TMEM14B: variants seen among roughly 807,000 people sequenced by gnomAD.
TMEM14B encodes the protein transmembrane protein 14B.
Under a neutral mutation model 14.8 loss-of-function variants are expected in TMEM14B, and 9 were observed. The ratio of observed to expected loss-of-function variants is 0.61; its 90% CI spans 0.37 to 1.06. TMEM14B has a LOEUF of 1.06. Among genes scored for constraint, TMEM14B ranks in the 50% least tolerant of loss-of-function variants. The pLI, the probability that TMEM14B is intolerant of heterozygous loss-of-function variation, is 0.01. For synonymous variants in TMEM14B, 40 were observed against 51.3 expected (o/e 0.78, Z 0.94); for missense variants, 128 against 143.6 (o/e 0.89, Z 0.56).
At chr6:10,749,498 A>G in intron 2 of TMEM14B, 124 bp from the exon 3 acceptor site, 1 of 1,206,566 alleles carries the variant, frequency 8.3e-7, no homozygotes, top group East Asian at 2.3e-5. Context: ...TTTCAGTGAT[A>G]GTACCTGTGG....
chr6:10,749,847 G>A lies in TMEM14B; in HGVS notation c.100+149G>A. On this transcript the variant is annotated intron_variant, in intron 3 of 5. Transcript: ENST00000379542. ...TGCAGGCTTCCTTGTCAGTCTTGCA[G>A]CTCCTGCCCTTGCCTTTTGCTTATC... 4 of 881,512 alleles carry A rather than the reference G, an allele frequency of 4.5e-6. No individual in the cohort carries two copies. In the Admixed American group the frequency reaches 7.9e-5, roughly 17 times the overall value. 54.6% of individuals were successfully genotyped at this position (881,512 alleles called of 1,614,324 possible). A position where few individuals can be genotyped will look rare whatever the true frequency, so the allele number is the denominator to read the frequency against.
At chr6:10,757,113 G>C (rs563288449), downstream of TMEM14B, 23 of 579,366 alleles carry the variant, frequency 4.0e-5, no homozygotes, top group African/African-American at 4.3e-4. Context: ...ACCAAGGAAA[G>C]TTATTTGATT....
At chr6:10,759,275 A>C, downstream of TMEM14B, 1 of 152,114 alleles carries the variant, frequency 6.6e-6, no homozygotes, top group East Asian at 1.9e-4. Flanking sequence ...TTAGTTTACT[A>C]TTCCCCTACT....
chr6:10,748,169 A>G (rs1012588759), intron 1 of TMEM14B, among the ~76,000 whole-genome samples: 3 of 151,852 alleles, frequency 2.0e-5, no homozygotes, highest in Non-Finnish European at 4.4e-5. Flanking sequence ...TCCCTTACTC[A>G]GTGCCGCCTC....
chr6:10,755,091 C>A, intron 4 of TMEM14B, 51 bp from the exon 5 acceptor site: 3 of 1,591,512 alleles, frequency 1.9e-6, no homozygotes, highest in Non-Finnish European at 2.6e-6. Context: ...ACTTCTGATT[C>A]CCCTGCGTAG....
intron 4 of TMEM14B, among the ~76,000 whole-genome samples, chr6:10,753,526 C>A (rs1771673623): frequency 6.6e-6 from 1 of 152,068 alleles, no homozygotes. Context: ...GTTCTTCAGG[C>A]TCTTCTTGTC....
At chr6:10,748,629 T>A (rs1341419280) in intron 1 of TMEM14B, among the ~76,000 whole-genome samples, 1 of 152,228 alleles carries the variant, frequency 6.6e-6, no homozygotes, top group Non-Finnish European at 1.5e-5. Flanking sequence ...AATACTTTTC[T>A]GTAAGAAAAT....
Position 10,753,005 on chromosome 6 carries a change from G to T in TMEM14B, c.202+1771G>T, listed in dbSNP as rs374089899. The stretch of plus-strand genomic sequence containing the variant: ...AATCCCAGCACTTTGGGAGACCGAG[G>T]CAGGCGGCTCACCTGAGGTCGGGAG... On this transcript the variant is annotated intron_variant, in intron 4 of 5. Coordinates refer to ENST00000379542, the MANE Select transcript of TMEM14B (RefSeq NM_030969.5). 30 of 152,202 alleles carry T rather than the reference G, an allele frequency of 2.0e-4. 1 individual carries two copies. In the East Asian group the frequency reaches 2.5e-3, roughly 13 times the overall value. The allele number at this position is 152,202 out of a possible 1,614,324, so 9.4% of individuals were successfully genotyped here.
chr6:10,749,491 C>T lies in TMEM14B; in HGVS notation c.24-131C>T. 4.2e-6 allele frequency: 5 copies of T among 1,181,288 alleles called. No homozygotes were observed. The South Asian group carries it at 6.4e-5, about 15-fold the overall frequency. 73.2% of individuals were successfully genotyped at this position (1,181,288 alleles called of 1,614,324 possible). A position where few individuals can be genotyped will look rare whatever the true frequency, so the allele number is the denominator to read the frequency against. On this transcript the variant is annotated intron_variant, in intron 2 of 5. Transcript: ENST00000379542. ...ATCCAACCTCTGTGGTGCTTATTTT[C>T]AGTGATAGTACCTGTGGGCACATAG...
At position 10,756,893 on chromosome 6, in the gene TMEM14B, C is replaced by CT. The variant is rs1730185970; in HGVS notation, c.*379dup. The CT allele has an allele frequency of 1.0e-6, 1 of 988,990 alleles. No homozygotes were observed. The allele number at this position is 988,990 out of a possible 1,614,324, so 61.3% of individuals were successfully genotyped here. A position where few individuals can be genotyped will look rare whatever the true frequency, so the allele number is the denominator to read the frequency against. On this transcript the variant is annotated 3_prime_UTR_variant, in exon 6 of 6. Coordinates refer to ENST00000379542, the MANE Select transcript of TMEM14B (RefSeq NM_030969.5). Reference sequence around the variant, plus strand: ...AAATCTCTTGAGAGATTTAGAATATCTTTTCTTTTGCTCATCTTAGACCAC... The same window carrying CT: ...AAATCTCTTGAGAGATTTAGAATATCTTTTTCTTTTGCTCATCTTAGACCAC...
chr6:10,750,989 C>T (rs116342612), intron 3 of TMEM14B, 144 bp from the exon 4 acceptor site: 18,057 of 897,758 alleles, frequency 0.02, 671 homozygotes, highest in African/African-American at 0.13. Flanking sequence ...CTCTCCTTAA[C>T]GCCTTCCTGC....
At chr6:10,756,152 G>C (rs551023122) in intron 5 of TMEM14B, among the ~76,000 whole-genome samples, 1 of 152,168 alleles carries the variant, frequency 6.6e-6, no homozygotes, top group Non-Finnish European at 1.5e-5. Context: ...AGAGGCTGGA[G>C]TCTACCATAA....
At chr6:10,757,465 T>G (rs1419162789), downstream of TMEM14B, among the ~76,000 whole-genome samples, 1 of 152,134 alleles carries the variant, frequency 6.6e-6, no homozygotes, top group African/African-American at 2.4e-5. Context: ...TTTCTAAGAT[T>G]TAGGACTGTG....
In TMEM14B at chr6:10,749,699, G is replaced by A. The variant is rs1160148927; in HGVS notation, c.100+1G>A. The A allele has an allele frequency of 2.5e-6, 4 of 1,614,012 alleles. No homozygotes were observed. The African/African-American group carries it at 4.0e-5, about 16-fold the overall frequency. Reference sequence around the variant, plus strand: ...GGGATCGTTGGCTATGTAAAAACAGGTAGGGTTTTGTTGTTACTTAGCCTC... The same window carrying A: ...GGGATCGTTGGCTATGTAAAAACAGATAGGGTTTTGTTGTTACTTAGCCTC... On this transcript the variant is annotated splice_donor_variant, in intron 3 of 5. Coordinates refer to ENST00000379542, the MANE Select transcript of TMEM14B (RefSeq NM_030969.5). LOFTEE classifies it high-confidence loss of function.
rs144380021 is a variant in TMEM14B at position 10,748,225 on chromosome 6, G to A, written c.-45+344G>A. On this transcript the variant is annotated intron_variant, in intron 1 of 5. Transcript: ENST00000379542. ...GATCCCAAGCCCGCTGCCCTTCCCC[G>A]TTTTATGGGAAATTAATTCTTTCTT... 2.0e-5 allele frequency among the ~76,000 whole-genome samples: 3 copies of A among 151,896 alleles called. No individual in the cohort carries two copies. The East Asian group carries it at 5.8e-4, about 29-fold the overall frequency.
In TMEM14B at chr6:10,756,534, A is replaced by C; in HGVS notation, c.*16A>C. The C allele has an allele frequency of 6.2e-7, 1 of 1,611,510 alleles. No individual in the cohort carries two copies. Among genetic ancestry groups the C allele is most frequent in the African/African-American group, 1.3e-5 (1 of 74,884 alleles). On this transcript the variant is annotated 3_prime_UTR_variant, in exon 6 of 6. Coordinates refer to ENST00000379542, the MANE Select transcript of TMEM14B (RefSeq NM_030969.5). Reference sequence around the variant, plus strand: ...ATCTGATTAGCAGAAGTCATGTTCCAGCTTGGACTCATGAAGGATTAAAAA... The same window carrying C: ...ATCTGATTAGCAGAAGTCATGTTCCCGCTTGGACTCATGAAGGATTAAAAA...
chr6:10,759,424 T>C (rs995536340), downstream of TMEM14B: 3 of 152,062 alleles, frequency 2.0e-5, no homozygotes, highest in Non-Finnish European at 2.9e-5. Flanking sequence ...CCAAGAAATA[T>C]CCTCATGGAA....
rs1771457710 is a variant in TMEM14B, at chr6:10,749,273, G to A, written c.23+5G>A. On this transcript the variant is annotated splice_donor_5th_base_variant and intron_variant, in intron 2 of 5. Coordinates refer to ENST00000379542, the MANE Select transcript of TMEM14B (RefSeq NM_030969.5). ...GGAGAAGCCCCTCTTCCCATTGTGA[G>A]TAGACAGTAAATGGTTAGAGAGTAG... The A allele has an allele frequency of 6.8e-6, 11 of 1,614,170 alleles. No individual in the cohort carries two copies. The highest frequency in any genetic ancestry group is 9.3e-6 in the Non-Finnish European group (11 of 1,179,978).
chr6:10,750,989 C>A, intron 3 of TMEM14B, 144 bp from the exon 4 acceptor site: 3 of 897,928 alleles, frequency 3.3e-6, no homozygotes, highest in Non-Finnish European at 5.0e-6. Flanking sequence ...CTCTCCTTAA[C>A]GCCTTCCTGC....
Sources: allele counts gnomAD v4.1 joint callset (sites outside exome capture counted in the v4.1 genomes callset), GRCh38; gene constraint gnomAD v4.1.1; transcripts MANE v1.5; gene names NCBI Gene and HGNC (gene_info 2026-07-23, HGNC 2026-07-21).